Variants in CASD1 observed in about 807,000 individuals in gnomAD.
The protein encoded by CASD1 is CAS1 domain sialic acid O acetyltransferase 1, also known as N-acetylneuraminate (7)9-O-acetyltransferase.
Under a neutral mutation model 100.0 loss-of-function variants are expected in CASD1, and 41 were observed. That is an observed-to-expected ratio of 0.41 (90% CI 0.32 to 0.53). The LOEUF (loss-of-function observed/expected upper bound fraction) is 0.53. Among genes scored for constraint, CASD1 ranks in the 20% least tolerant of loss-of-function variants. The pLI, the probability that CASD1 is intolerant of heterozygous loss-of-function variation, is 0.25. For missense variants in CASD1, 774 were observed against 948.7 expected (o/e 0.82, Z 2.42); for synonymous variants, 321 against 315.6 (o/e 1.02, Z -0.18).
In CASD1 at chr7:94,509,991, C is replaced by T. The variant is rs1793605166; in HGVS notation, c.-94C>T. 7.9e-7 allele frequency: 1 copy of T among 1,270,380 alleles called. No individual in the cohort carries two copies. The highest frequency in any genetic ancestry group is 2.9e-5 in the South Asian group (1 of 34,444). 78.7% of individuals were successfully genotyped at this position (1,270,380 alleles called of 1,614,324 possible). A position where few individuals can be genotyped will look rare whatever the true frequency, so the allele number is the denominator to read the frequency against. On this transcript the variant is annotated 5_prime_UTR_variant, in exon 1 of 18. Transcript: ENST00000297273. ...GCGGCCTGGGGAGCTGGCGGCCGCT[C>T]CTCGCCTGGCTGCAGCGGCGGCAGC...
the CASD1 span, chr7:94,630,018 G>A: frequency 3.2e-6 from 2 of 626,796 alleles, no homozygotes; most frequent in African/African-American, 1.9e-5. Context: ...AGTGATTTCA[G>A]GACAAAATGG....
Position 94,555,634 on chromosome 7 carries a change from A to G in CASD1, c.2270A>G (p.Asn757Ser). ...CVAHEISQIT[N>S]DLAQIIIPKD... The stretch of plus-strand genomic sequence containing the variant: ...GCACATGAAATTTCTCAGATCACTA[A>G]TGATCTTGCACAGATTATTATTCCT... The change falls in exon 18 of 18, where the codon AAT becomes AGT. Residue 757 changes from asparagine (N) to serine (S), a missense_variant. Coordinates refer to ENST00000297273, the MANE Select transcript of CASD1 (RefSeq NM_022900.5). The G allele has an allele frequency of 6.2e-7, 1 of 1,613,510 alleles. No individual in the cohort carries two copies.
At chr7:94,527,000 G>A (rs956914637) in intron 3 of CASD1, among the ~76,000 whole-genome samples, 162 bp from the exon 4 acceptor site, 22 of 151,912 alleles carry the variant, frequency 1.4e-4, no homozygotes, top group Admixed American at 1.3e-4. Flanking sequence ...GTTCTATGTC[G>A]GTTTTTTCCC....
the CASD1 span, among the ~76,000 whole-genome samples, chr7:94,579,062 A>G: frequency 6.6e-6 from 1 of 152,096 alleles, no homozygotes; most frequent in Non-Finnish European, 1.5e-5. Context: ...CTAGTACCAG[A>G]TAGTGTACTA....
At chr7:94,587,348 A>G in the CASD1 span, 5 of 1,020,712 alleles carry the variant, frequency 4.9e-6, no homozygotes, top group African/African-American at 6.8e-5. Context: ...TTAAATACTC[A>G]AAATAAATAT....
rs1173046664 is a variant in CASD1 at position 94,556,989 on chromosome 7, CAATT to C, written c.*1234_*1237del. ...GCTTATTTTTGTATTGGCAAAGTAT[CAATT>C]AAACTATATGTGTTCTTTTTCAAAA... On this transcript the variant is annotated 3_prime_UTR_variant, in exon 18 of 18. Coordinates refer to ENST00000297273, the MANE Select transcript of CASD1 (RefSeq NM_022900.5). 7 of 151,920 alleles carry C rather than the reference CAATT, an allele frequency of 4.6e-5. No individual in the cohort carries two copies. The highest frequency in any genetic ancestry group is 4.1e-4 in the South Asian group (2 of 4,820). The allele number at this position is 151,920 out of a possible 1,614,324, so 9.4% of individuals were successfully genotyped here.
Position 94,531,301 on chromosome 7 carries a change from A to G in CASD1, c.460-1904A>G, listed in dbSNP as rs536243132. ...GGAGGAAATGTAGACAGAGGAAGGC[A>G]TTAGCCATTGAGAAGAATAGGGACA... On this transcript the variant is annotated intron_variant, in intron 5 of 17. Coordinates refer to ENST00000297273, the MANE Select transcript of CASD1 (RefSeq NM_022900.5). Among the ~76,000 whole-genome samples the G allele has an allele frequency of 1.2e-4, 18 of 152,284 alleles. No homozygotes were observed. In the South Asian group the frequency reaches 2.3e-3, roughly 19 times the overall value.
At chr7:94,588,703 T>C in the CASD1 span, 3 of 1,607,322 alleles carry the variant, frequency 1.9e-6, no homozygotes, top group Admixed American at 3.3e-5. Context: ...AGTCTGCTGT[T>C]GGGGAATCTG....
the CASD1 span, chr7:94,599,280 A>G: frequency 1.0e-5 from 3 of 294,886 alleles, no homozygotes; most frequent in African/African-American, 6.6e-5. Context: ...TAAAACTACC[A>G]TAGCTTTTAT....
the CASD1 span, chr7:94,626,178 T>G: frequency 1.3e-5 from 2 of 152,100 alleles, no homozygotes; most frequent in Non-Finnish European, 2.9e-5. Flanking sequence ...TTAGATACTC[T>G]TAGTCAGCTA....
the CASD1 span, chr7:94,620,865 C>T: frequency 3.9e-5 from 6 of 152,212 alleles, no homozygotes; most frequent in Admixed American, 6.5e-5. Context: ...GAGCTGCTGC[C>T]AGGCCTCCCA....
At chr7:94,596,646 C>T in the CASD1 span, among the ~76,000 whole-genome samples, 77 of 152,200 alleles carry the variant, frequency 5.1e-4, no homozygotes, top group African/African-American at 1.6e-3. Context: ...CAGGTATATG[C>T]TTGGATAATG....
chr7:94,609,971 G>A, the CASD1 span, among the ~76,000 whole-genome samples: 1 of 152,136 alleles, frequency 6.6e-6, no homozygotes, highest in Admixed American at 6.5e-5. Context: ...TCCTCCAGTA[G>A]GTGAATGATA....
At chr7:94,517,264 T>C (rs1794025536) in intron 1 of CASD1, among the ~76,000 whole-genome samples, 1 of 152,100 alleles carries the variant, frequency 6.6e-6, no homozygotes, top group African/African-American at 2.4e-5. Context: ...AAAGGCTAAT[T>C]TAAGGTTGAG....
intron 16 of CASD1, chr7:94,554,140 A>C (rs1014330179): frequency 6.2e-6 from 1 of 160,418 alleles, no homozygotes; most frequent in Non-Finnish European, 1.4e-5. Context: ...GCAAAATTAT[A>C]TGATTTTGTG....
chr7:94,596,363 C>T, the CASD1 span, among the ~76,000 whole-genome samples: 76 of 152,170 alleles, frequency 5.0e-4, no homozygotes, highest in African/African-American at 1.7e-3. Context: ...AACCTTTTTC[C>T]GCTCTTAAAT....
At chr7:94,526,936 A>G (rs541707568) in intron 3 of CASD1, among the ~76,000 whole-genome samples, 30 of 152,220 alleles carry the variant, frequency 2.0e-4, no homozygotes, top group Non-Finnish European at 4.3e-4. Context: ...TTTGAACTAT[A>G]TCTTAGATGT....
the CASD1 span, among the ~76,000 whole-genome samples, chr7:94,602,614 TCTC>T: frequency 6.6e-6 from 1 of 151,888 alleles, no homozygotes; most frequent in African/African-American, 2.4e-5. Context: ...TTGAAACAAC[TCTC>T]CTGCTTTTCA....
At chr7:94,513,021 A>C (rs986050026) in intron 1 of CASD1, among the ~76,000 whole-genome samples, 1 of 152,206 alleles carries the variant, frequency 6.6e-6, no homozygotes, top group Non-Finnish European at 1.5e-5. Context: ...TTTCCAGGGA[A>C]GCATGGGTTA....
Sources: allele counts gnomAD v4.1 joint callset (sites outside exome capture counted in the v4.1 genomes callset), GRCh38; gene constraint gnomAD v4.1.1; transcripts MANE v1.5; gene names NCBI Gene and HGNC (gene_info 2026-07-23, HGNC 2026-07-21).